The following STK33 variants were observed in gnomAD, a reference collection of about 807,000 sequenced individuals.
STK33 encodes the protein serine/threonine-protein kinase 33.
STK33 carries 52 observed loss-of-function variants against 58.0 expected under a neutral mutation model. That is an observed-to-expected ratio of 0.90 (90% CI 0.72 to 1.13). The LOEUF (loss-of-function observed/expected upper bound fraction) is 1.13. STK33 is among the 50% of genes most tolerant of loss of function. STK33 has a pLI of 0.00. For missense variants in STK33, 630 were observed against 604.2 expected (o/e 1.04, Z -0.45); for synonymous variants, 215 against 200.1 (o/e 1.07, Z -0.63).
intron 11 of STK33, among the ~76,000 whole-genome samples, chr11:8,446,064 T>C (rs566981381): frequency 2.0e-5 from 3 of 152,332 alleles, no homozygotes; most frequent in South Asian, 2.1e-4. Flanking sequence ...GAATTTGTTA[T>C]TGGTGTAGTC....
intron 1 of STK33, among the ~76,000 whole-genome samples, chr11:8,541,065 T>C (rs1170979487): frequency 6.6e-6 from 1 of 151,752 alleles, no homozygotes; most frequent in Non-Finnish European, 1.5e-5. Flanking sequence ...TTTTTTTAAA[T>C]TTAGGTTTGA....
At chr11:8,454,616 T>C in intron 10 of STK33, 128 bp downstream of exon 10, 1 of 1,173,816 alleles carries the variant, frequency 8.5e-7, no homozygotes, top group Non-Finnish European at 1.1e-6. Flanking sequence ...ATTTTTATTT[T>C]TTAGCACAAG....
At chr11:8,458,435 A>T (rs1056051556) in intron 8 of STK33, among the ~76,000 whole-genome samples, 1 of 139,434 alleles carries the variant, frequency 7.2e-6, no homozygotes, top group Middle Eastern at 3.9e-3. Context: ...AAAAAAAAAA[A>T]ACAGGTAGCA....
chr11:8,453,926 C>T (rs1946568928), intron 10 of STK33, among the ~76,000 whole-genome samples: 1 of 152,192 alleles, frequency 6.6e-6, no homozygotes, highest in South Asian at 2.1e-4. Flanking sequence ...AAAAGTTTCA[C>T]AATCCAACTT....
intron 1 of STK33, among the ~76,000 whole-genome samples, chr11:8,554,613 TAGTG>T (rs754387025): frequency 1.4e-4 from 22 of 152,252 alleles, no homozygotes; most frequent in Non-Finnish European, 2.8e-4. Flanking sequence ...AGATAAGTGT[TAGTG>T]AGGATGCAGA....
chr11:8,559,067 T>G (rs1007978898), intron 1 of STK33, among the ~76,000 whole-genome samples: 3 of 152,138 alleles, frequency 2.0e-5, no homozygotes, highest in African/African-American at 7.2e-5. Context: ...CCCTAGAAAA[T>G]GTAGAGGTCC....
chr11:8,558,586 T>C (rs1356462878), intron 1 of STK33, among the ~76,000 whole-genome samples: 6 of 152,080 alleles, frequency 3.9e-5, no homozygotes, highest in Non-Finnish European at 8.8e-5. Flanking sequence ...AGAAAGAAGG[T>C]TATCTGAAAT....
intron 1 of STK33, among the ~76,000 whole-genome samples, chr11:8,489,346 A>G (rs1025426189): frequency 8.5e-5 from 13 of 152,174 alleles, no homozygotes; most frequent in Non-Finnish European, 1.6e-4. Flanking sequence ...TACACCAAAT[A>G]TAGATGATCA....
chr11:8,337,798 G>T, the STK33 span, among the ~76,000 whole-genome samples: 1 of 152,042 alleles, frequency 6.6e-6, no homozygotes, highest in Non-Finnish European at 1.5e-5. Context: ...CCATTTCAGG[G>T]ACTTCGCATT....
the STK33 span, among the ~76,000 whole-genome samples, chr11:8,382,882 C>T: frequency 2.6e-5 from 4 of 152,094 alleles, no homozygotes; most frequent in South Asian, 2.1e-4. Flanking sequence ...AACCCCAGAG[C>T]GCTGACTCAA....
chr11:8,526,839 A>C lies in STK33; in HGVS notation c.-465-46225T>G, dbSNP rs547725417. The stretch of plus-strand genomic sequence containing the variant: ...CAAATGATACTGAGCAAAAAAAAAA[A>C]ACCCAGACAAAAATATAGATACTGT... On this transcript the variant is annotated intron_variant, in intron 1 of 15. Transcript: ENST00000687296. Among the ~76,000 whole-genome samples the C allele has an allele frequency of 3.3e-5, 5 of 151,622 alleles. No homozygotes were observed. The East Asian group carries it at 9.6e-4, about 29-fold the overall frequency.
chr11:8,511,942 T>A (rs1952362281), intron 1 of STK33, among the ~76,000 whole-genome samples: 1 of 152,136 alleles, frequency 6.6e-6, no homozygotes, highest in Non-Finnish European at 1.5e-5. Context: ...CCTTAATATG[T>A]CATAACTCTA....
the STK33 span, among the ~76,000 whole-genome samples, chr11:8,351,714 C>T: frequency 2.6e-5 from 4 of 152,180 alleles, no homozygotes; most frequent in Admixed American, 6.5e-5. Flanking sequence ...GACAGGTGCA[C>T]GCTTCAGCGC....
At chr11:8,473,324 T>C in intron 5 of STK33, 48 bp from the exon 6 acceptor site, 2 of 1,133,296 alleles carry the variant, frequency 1.8e-6, no homozygotes, top group Non-Finnish European at 2.6e-6. Context: ...AGATGTAATA[T>C]TCTTTGTTGA....
intron 6 of STK33, chr11:8,466,614 C>T (rs1948214454): frequency 6.6e-6 from 1 of 152,264 alleles, no homozygotes; most frequent in Non-Finnish European, 1.5e-5. Flanking sequence ...TGTCTGTGGC[C>T]TTTCCAGGTG....
At chr11:8,404,502 T>C (rs1938726345) in intron 15 of STK33, among the ~76,000 whole-genome samples, 1 of 152,220 alleles carries the variant, frequency 6.6e-6, no homozygotes, top group South Asian at 2.1e-4. Flanking sequence ...TTTTCTAAAC[T>C]TCATATACAT....
At chr11:8,403,092 A>G (rs1256028841) in intron 15 of STK33, among the ~76,000 whole-genome samples, 1 of 152,218 alleles carries the variant, frequency 6.6e-6, no homozygotes, top group Admixed American at 6.5e-5. Flanking sequence ...TTCAACACTT[A>G]GTTCTAAGGG....
chr11:8,473,317 T>C (rs1297632001), intron 5 of STK33, 41 bp from the exon 6 acceptor site: 13 of 1,190,672 alleles, frequency 1.1e-5, no homozygotes, highest in African/African-American at 7.7e-5. Context: ...AACTTTAAGA[T>C]GTAATATTCT....
intron 6 of STK33, chr11:8,466,398 C>T (rs896583664): frequency 3.9e-5 from 6 of 152,180 alleles, no homozygotes; most frequent in African/African-American, 1.4e-4. Flanking sequence ...TTGGCCAAAA[C>T]AAAAAGGCTA....
Sources: gnomAD v4.1 joint callset for allele counts (sites outside exome capture counted in the v4.1 genomes callset) on GRCh38, gnomAD v4.1.1 for gene constraint, MANE v1.5 for transcripts, NCBI Gene and HGNC (gene_info 2026-07-23, HGNC 2026-07-21) for gene names.